The following C1orf185 variants were observed in gnomAD, a reference collection of about 807,000 sequenced individuals.
C1orf185 encodes the protein uncharacterized protein C1orf185.
A neutral mutation model predicts 16.1 loss-of-function variants in C1orf185; 13 were observed. The observed-to-expected ratio is 0.81, with a 90% CI of 0.53 to 1.28. C1orf185 has a LOEUF of 1.28. C1orf185 is among the 50% of genes most tolerant of loss of function. The pLI is 0.00. For synonymous variants in C1orf185, 80 were observed against 76.9 expected, an observed-to-expected ratio of 1.04 and a Z score of -0.21; for missense variants, 220 against 225.2, an observed-to-expected ratio of 0.98 and a Z score of 0.15.
intron 3 of C1orf185, among the ~76,000 whole-genome samples, chr1:51,134,458 A>G (rs1333900696): frequency 1.3e-5 from 2 of 152,120 alleles, no homozygotes; most frequent in Admixed American, 6.5e-5. Flanking sequence ...ACAAATCCCA[A>G]AGCTAGCAGA....
chr1:51,122,479 G>A (rs1646204804), intron 3 of C1orf185, among the ~76,000 whole-genome samples: 1 of 152,144 alleles, frequency 6.6e-6, no homozygotes, highest in African/African-American at 2.4e-5. Context: ...GCAAAACTGA[G>A]CAGAAAGTAC....
At chr1:51,145,261 T>C (rs1646391385) in intron 3 of C1orf185, among the ~76,000 whole-genome samples, 1 of 152,016 alleles carries the variant, frequency 6.6e-6, no homozygotes, top group South Asian at 2.1e-4. Context: ...GCTATGATCA[T>C]GCCACTGCAC....
At chr1:51,145,886 C>A in intron 4 of C1orf185, 126 bp downstream of exon 4, 1 of 435,974 alleles carries the variant, frequency 2.3e-6, no homozygotes, top group South Asian at 6.5e-5. Flanking sequence ...GTAAGGGAAA[C>A]ATTAATTTAT....
intron 1 of C1orf185, among the ~76,000 whole-genome samples, chr1:51,108,993 T>G (rs1570287267): frequency 1.3e-5 from 2 of 152,330 alleles, no homozygotes; most frequent in Middle Eastern, 6.8e-3. Context: ...TTGAGAAAAC[T>G]CCTTATTGTT....
chr1:51,110,776 G>A (rs189987008), intron 1 of C1orf185, among the ~76,000 whole-genome samples: 25 of 151,980 alleles, frequency 1.6e-4, no homozygotes, highest in Admixed American at 3.3e-4. Flanking sequence ...AGAGACCAGC[G>A]TGGCCAACAT....
chr1:51,110,888 GAACCCA>G (rs1474696741), intron 1 of C1orf185, among the ~76,000 whole-genome samples: 2 of 151,936 alleles, frequency 1.3e-5, no homozygotes, highest in African/African-American at 2.4e-5. Flanking sequence ...AGAATCGCTT[GAACCCA>G]GGAGTCGGAG....
chr1:51,135,544 A>G (rs1355291082), intron 3 of C1orf185, among the ~76,000 whole-genome samples: 1 of 152,342 alleles, frequency 6.6e-6, no homozygotes, highest in African/African-American at 2.4e-5. Flanking sequence ...TGTCAAAAAC[A>G]AAACAAAACA....
chr1:51,117,938 G>A (rs1646169412), intron 2 of C1orf185, among the ~76,000 whole-genome samples: 1 of 152,028 alleles, frequency 6.6e-6, no homozygotes. Context: ...TTTTGAGGCA[G>A]GGTCTCACTC....
At chr1:51,125,762 G>T (rs1008147794) in intron 3 of C1orf185, among the ~76,000 whole-genome samples, 2 of 152,198 alleles carry the variant, frequency 1.3e-5, no homozygotes, top group African/African-American at 4.8e-5. Flanking sequence ...AGATTTGAAA[G>T]ACAGAGAGTA....
downstream of C1orf185, among the ~76,000 whole-genome samples, chr1:51,151,765 C>G (rs1048733823): frequency 1.3e-5 from 2 of 152,244 alleles, no homozygotes; most frequent in African/African-American, 4.8e-5. Flanking sequence ...TCTTGGCTCA[C>G]TGCAACCTCC....
intron 1 of C1orf185, among the ~76,000 whole-genome samples, chr1:51,104,844 A>G (rs1335627790): frequency 6.6e-6 from 1 of 152,160 alleles, no homozygotes; most frequent in East Asian, 1.9e-4. Context: ...CTCTGTTGTT[A>G]TACCACTGTA....
chr1:51,149,557 C>T (rs909843196), downstream of C1orf185, among the ~76,000 whole-genome samples: 1 of 152,118 alleles, frequency 6.6e-6, no homozygotes, highest in Non-Finnish European at 1.5e-5. Context: ...ACTCTCGATC[C>T]CAGAGAAGGA....
At chr1:51,104,100 T>A (rs1302083185) in intron 1 of C1orf185, among the ~76,000 whole-genome samples, 1 of 152,182 alleles carries the variant, frequency 6.6e-6, no homozygotes, top group Non-Finnish European at 1.5e-5. Flanking sequence ...AGAGTAAGGA[T>A]TATTCTTATT....
downstream of C1orf185, among the ~76,000 whole-genome samples, chr1:51,148,936 A>T (rs1317651976): frequency 1.3e-5 from 2 of 152,338 alleles, no homozygotes; most frequent in Non-Finnish European, 2.9e-5. Flanking sequence ...TCTCAAAAAA[A>T]AGAATTTAGA....
chr1:51,129,175 G>A (rs1646265199), intron 3 of C1orf185, among the ~76,000 whole-genome samples: 1 of 152,104 alleles, frequency 6.6e-6, no homozygotes, highest in African/African-American at 2.4e-5. Flanking sequence ...GAGAGCCACC[G>A]TGCCTGGCCA....
chr1:51,127,486 A>G (rs1646250061), intron 3 of C1orf185, among the ~76,000 whole-genome samples: 1 of 152,098 alleles, frequency 6.6e-6, no homozygotes, highest in African/African-American at 2.4e-5. Flanking sequence ...GGGTTTCACC[A>G]TGTTGGCCAG....
rs1288141663 is a variant in C1orf185, at chr1:51,147,624, T to C, written c.453T>C (p.Ala151=). Residue 151 remains alanine (A), a synonymous_variant, in exon 5 of 5, where the codon GCT becomes GCC. Transcript: ENST00000371759. ...DSYYSQSIEA[A]DDWFSDDSLV... ...ATTACAGCCAAAGTATAGAAGCAGC[T>C]GATGACTGGTTTTCTGATGATTCTC... 6.4e-7 allele frequency: 1 copy of C among 1,551,608 alleles called. No homozygotes were observed. Among genetic ancestry groups the C allele is most frequent in the South Asian group, 1.2e-5 (1 of 84,064 alleles).
intron 3 of C1orf185, among the ~76,000 whole-genome samples, 179 bp downstream of exon 3, chr1:51,118,980 C>T (rs1646178410): frequency 6.6e-6 from 1 of 152,144 alleles, no homozygotes; most frequent in South Asian, 2.1e-4. Context: ...AATATATCAC[C>T]TTCTACAGTT....
chr1:51,109,276 A>G (rs1049045750), intron 1 of C1orf185, among the ~76,000 whole-genome samples: 2 of 152,056 alleles, frequency 1.3e-5, no homozygotes, highest in African/African-American at 4.8e-5. Flanking sequence ...TGTTTCTTTG[A>G]TGCTGAGTTG....
Sources: allele counts gnomAD v4.1 joint callset (sites outside exome capture counted in the v4.1 genomes callset), GRCh38; gene constraint gnomAD v4.1.1; transcripts MANE v1.5; gene names NCBI Gene and HGNC (gene_info 2026-07-23, HGNC 2026-07-21).